Variants in LGR5 observed in about 807,000 individuals in gnomAD.
The protein encoded by LGR5 is leucine-rich repeat-containing G protein-coupled receptor 5.
A neutral mutation model predicts 76.7 loss-of-function variants in LGR5; 54 were observed. That is an observed-to-expected ratio of 0.70 (90% CI 0.57 to 0.88). LGR5 has a LOEUF of 0.88. LGR5 is among the 40% of genes least tolerant of loss of function. The probability of loss-of-function intolerance (pLI) is 0.00; values close to 1 mark genes in which losing one functional copy is unlikely to be tolerated. For synonymous variants in LGR5, 406 were observed against 421.9 expected, an observed-to-expected ratio of 0.96 and a Z score of 0.46; for missense variants, 1,078 against 1,073.3, an observed-to-expected ratio of 1.00 and a Z score of -0.06.
intron 2 of LGR5, among the ~76,000 whole-genome samples, chr12:71,523,781 T>A (rs998738379): frequency 1.3e-5 from 2 of 152,250 alleles, no homozygotes; most frequent in Non-Finnish European, 2.9e-5. Flanking sequence ...TACCAGTTAA[T>A]AATGTCAGAA....
rs373839308 is a variant in LGR5 at position 71,444,625 on chromosome 12, T to G, written c.212+4333T>G. The stretch of plus-strand genomic sequence containing the variant: ...GGAGTTCTGATGTAGCAACAAAAGG[T>G]AGCAATCATAAATGAGTTAGAAGAT... On this transcript the variant is annotated intron_variant, in intron 1 of 17. Transcript: ENST00000266674. Among the ~76,000 whole-genome samples the G allele has an allele frequency of 7.0e-4, 107 of 152,236 alleles. 4 individuals carry two copies. The South Asian group carries it at 0.021, about 30-fold the overall frequency.
intron 4 of LGR5, among the ~76,000 whole-genome samples, chr12:71,550,315 T>G (rs917336687): frequency 6.6e-6 from 1 of 150,872 alleles, no homozygotes; most frequent in Non-Finnish European, 1.5e-5. Flanking sequence ...CACACCCACC[T>G]AATTTTTGTA....
chr12:71,550,736 T>C (rs965162244), intron 4 of LGR5, among the ~76,000 whole-genome samples: 5 of 152,116 alleles, frequency 3.3e-5, no homozygotes, highest in African/African-American at 1.2e-4. Context: ...AGTGCTGGGA[T>C]TACAGGTGTG....
At chr12:71,520,366 G>A (rs768382603) in intron 2 of LGR5, among the ~76,000 whole-genome samples, 2 of 152,120 alleles carry the variant, frequency 1.3e-5, no homozygotes. Flanking sequence ...ATAGACAGAG[G>A]ATGTAGAATA....
At chr12:71,513,965 C>G (rs145697181) in intron 2 of LGR5, among the ~76,000 whole-genome samples, 262 of 152,152 alleles carry the variant, frequency 1.7e-3, no homozygotes, top group African/African-American at 5.9e-3. Flanking sequence ...GCTTAGGAGT[C>G]TATAATCAGA....
intron 1 of LGR5, among the ~76,000 whole-genome samples, chr12:71,446,056 C>T (rs1468226074): frequency 6.6e-6 from 1 of 152,128 alleles, no homozygotes; most frequent in Admixed American, 6.5e-5. Flanking sequence ...AGGGCATTTT[C>T]CACTTTATAC....
chr12:71,441,772 G>A (rs1362211221), intron 1 of LGR5: 1 of 152,072 alleles, frequency 6.6e-6, no homozygotes, highest in African/African-American at 2.4e-5. Context: ...TTCCCCACCA[G>A]GTTTCCCTTC....
At chr12:71,533,510 T>C (rs561614411) in intron 3 of LGR5, among the ~76,000 whole-genome samples, 1 of 152,256 alleles carries the variant, frequency 6.6e-6, no homozygotes, top group Admixed American at 6.5e-5. Flanking sequence ...CCAGAAACTT[T>C]GGGATGGGGC....
At chr12:71,533,390 G>A (rs1876426886) in intron 3 of LGR5, among the ~76,000 whole-genome samples, 2 of 152,126 alleles carry the variant, frequency 1.3e-5, no homozygotes, top group Non-Finnish European at 2.9e-5. Flanking sequence ...TAAATATTTA[G>A]CACAGCATGG....
chr12:71,466,742 T>C (rs991914121), intron 1 of LGR5, among the ~76,000 whole-genome samples: 7 of 152,102 alleles, frequency 4.6e-5, no homozygotes, highest in African/African-American at 1.7e-4. Flanking sequence ...TTAAAAGGTT[T>C]TCTTTGGTAT....
chr12:71,470,524 G>A lies in LGR5; in HGVS notation c.212+30232G>A, dbSNP rs564271440. Among the ~76,000 whole-genome samples, 8 of 152,180 alleles carry A rather than the reference G, an allele frequency of 5.3e-5. No homozygotes were observed. The East Asian group carries it at 1.5e-3, about 29-fold the overall frequency. ...TATATATCCATAGGTCTATAGATAT[G>A]TCTACATACACACATATATGTCTTT... is the stretch of plus-strand genomic sequence containing the variant. On this transcript the variant is annotated intron_variant, in intron 1 of 17. Transcript: ENST00000266674.
At chr12:71,463,410 A>T (rs1242971557) in intron 1 of LGR5, among the ~76,000 whole-genome samples, 1 of 152,190 alleles carries the variant, frequency 6.6e-6, no homozygotes, top group Non-Finnish European at 1.5e-5. Flanking sequence ...TTGGGTTGAG[A>T]TCTTAGCTTT....
intron 1 of LGR5, among the ~76,000 whole-genome samples, chr12:71,458,297 C>T (rs543865162): frequency 2.0e-5 from 3 of 152,108 alleles, no homozygotes; most frequent in Non-Finnish European, 4.4e-5. Context: ...ATTTAATGTT[C>T]CTTATAAAAT....
At chr12:71,528,684 AC>A (rs1320975381) in intron 3 of LGR5, among the ~76,000 whole-genome samples, 2 of 152,226 alleles carry the variant, frequency 1.3e-5, no homozygotes, top group African/African-American at 4.8e-5. Context: ...TTTTTAGAGC[AC>A]AATCATATGA....
chr12:71,485,655 A>T lies in LGR5; in HGVS notation c.213-18959A>T, dbSNP rs375926965. Among the ~76,000 whole-genome samples the T allele has an allele frequency of 1.1e-4, 17 of 152,220 alleles. No homozygotes were observed. The East Asian group carries it at 2.3e-3, about 21-fold the overall frequency. On this transcript the variant is annotated intron_variant, in intron 1 of 17. Coordinates refer to ENST00000266674, the MANE Select transcript of LGR5 (RefSeq NM_003667.4). ...TGAGGCAGAAGGATTGCTCAAGCCC[A>T]GGAGGGTGAGGCTGCTGTGAAGCAT...
At chr12:71,499,475 T>G (rs1227951454) in intron 1 of LGR5, among the ~76,000 whole-genome samples, 1 of 151,960 alleles carries the variant, frequency 6.6e-6, no homozygotes, top group African/African-American at 2.4e-5. Context: ...TGTAACTAGA[T>G]CACACATTGC....
intron 1 of LGR5, among the ~76,000 whole-genome samples, chr12:71,474,999 T>C (rs950323316): frequency 2.0e-5 from 3 of 152,198 alleles, no homozygotes; most frequent in African/African-American, 7.2e-5. Flanking sequence ...TGAGGGCTTC[T>C]GCTTTAATCT....
At chr12:71,506,096 T>A (rs1468789947) in intron 2 of LGR5, among the ~76,000 whole-genome samples, 1 of 152,208 alleles carries the variant, frequency 6.6e-6, no homozygotes, top group Non-Finnish European at 1.5e-5. Context: ...CAGATTTTCA[T>A]TGACATTAGT....
chr12:71,532,127 C>A (rs1329366945), intron 3 of LGR5, among the ~76,000 whole-genome samples: 1 of 152,004 alleles, frequency 6.6e-6, no homozygotes, highest in East Asian at 1.9e-4. Context: ...GTTTAGACAT[C>A]AATTAATTCT....
Sources: allele counts gnomAD v4.1 joint callset (sites outside exome capture counted in the v4.1 genomes callset), GRCh38; gene constraint gnomAD v4.1.1; transcripts MANE v1.5; gene names NCBI Gene and HGNC (gene_info 2026-07-23, HGNC 2026-07-21).